The following ITIH3 variants were observed in gnomAD, a reference collection of about 807,000 sequenced individuals.
ITIH3 encodes the protein inter-alpha-trypsin inhibitor heavy chain 3.
A neutral mutation model predicts 96.5 loss-of-function variants in ITIH3; 81 were observed. That is an observed-to-expected ratio of 0.84 (90% CI 0.70 to 1.01). The LOEUF (loss-of-function observed/expected upper bound fraction) is 1.01. Ranked by LOEUF, ITIH3 falls within the 50% of genes least tolerant of loss-of-function variation. The pLI, the probability that ITIH3 is intolerant of heterozygous loss-of-function variation, is 0.00. For synonymous variants in ITIH3, 422 were observed against 445.2 expected, an observed-to-expected ratio of 0.95 and a Z score of 0.66; for missense variants, 1,057 against 1,139.3, an observed-to-expected ratio of 0.93 and a Z score of 1.04.
intron 15 of ITIH3, 53 bp downstream of exon 15, chr3:52,804,787 G>T: frequency 6.4e-7 from 1 of 1,566,118 alleles, no homozygotes; most frequent in Non-Finnish European, 8.7e-7. Flanking sequence ...AGACAAGAGA[G>T]AACTGAGGAG....
chr3:52,797,803 T>C lies in ITIH3; in HGVS notation c.550-14T>C, dbSNP rs746924022. 2 of 1,555,786 alleles carry C rather than the reference T, an allele frequency of 1.3e-6. No homozygotes were observed. The highest frequency in any genetic ancestry group is 2.3e-5 in the South Asian group (2 of 85,918). On this transcript the variant is annotated splice_polypyrimidine_tract_variant and intron_variant, in intron 5 of 21. Coordinates refer to ENST00000449956, the MANE Select transcript of ITIH3 (RefSeq NM_002217.4). The stretch of plus-strand genomic sequence containing the variant: ...AGGTCACTGAGTGACATTTCCTTAC[T>C]TTGGCCATTTCAGATCGAGGTAGAC...
At chr3:52,797,397 G>A in intron 5 of ITIH3, 130 bp downstream of exon 5, 1 of 1,009,926 alleles carries the variant, frequency 9.9e-7, no homozygotes, top group Non-Finnish European at 1.4e-6. Context: ...GGCTGGGAAG[G>A]CTGGAGGAAT....
rs532663698 is a variant in ITIH3, at chr3:52,796,828, C to T, written c.371C>T (p.Thr124Met). 6.5e-5 allele frequency: 105 copies of T among 1,608,396 alleles called. No individual in the cohort carries two copies. The South Asian group carries it at 8.8e-4, about 13-fold the overall frequency. ...QYEKAVSQGK[T>M]AGLVKASGRK... ...GAAAAGGCTGTGTCCCAGGGCAAGACGGCCGGCTTGGTCAAGTAAGTATGG... is the reference window on the plus strand; with the variant it reads ...GAAAAGGCTGTGTCCCAGGGCAAGATGGCCGGCTTGGTCAAGTAAGTATGG... The change falls in exon 4 of 22, where the codon ACG (threonine) becomes ATG (methionine). Residue 124 changes from threonine (T) to methionine (M), a missense_variant. Thr to Met is a moderately conservative substitution (Grantham distance 81). Transcript: ENST00000449956.
chr3:52,796,035 CA>C (rs1017659709), intron 2 of ITIH3: 1 of 232,344 alleles, frequency 4.3e-6, no homozygotes, highest in African/African-American at 2.3e-5. Context: ...CTTCCCTTGG[CA>C]CAGGAAATCA....
Position 52,807,065 on chromosome 3 carries a change from A to C in ITIH3, c.2221A>C (p.Thr741Pro). 6.3e-7 allele frequency: 1 copy of C among 1,598,588 alleles called. No individual in the cohort carries two copies. Among genetic ancestry groups the C allele is most frequent in the Non-Finnish European group, 8.5e-7 (1 of 1,172,818 alleles). The change falls in exon 19 of 22, where the codon ACT becomes CCT. Residue 741 changes from threonine (T) to proline (P), a missense_variant. Transcript: ENST00000449956. ...ITLWNRAVPS[T>P]FSWLDTVTVT... ...CCTGTGGAACAGGGCCGTGCCGAGC[A>C]CTTTCAGCTGGCTGGACACAGTCAC...
rs916597070 is a variant in ITIH3 at position 52,794,811 on chromosome 3, T to C, written c.8T>C (p.Phe3Ser). 1 of 1,613,886 alleles carries C rather than the reference T, an allele frequency of 6.2e-7. No homozygotes were observed. Among genetic ancestry groups the C allele is most frequent in the Non-Finnish European group, 8.5e-7 (1 of 1,179,774 alleles). Residue 3 changes from phenylalanine to serine, a missense_variant, in exon 1 of 22, where the codon TTT becomes TCT. Transcript: ENST00000449956. ...AGGCCTGAGTATTCAGCGATGGCATTTGCATGGTGGCCCTGTCTCATCTTG... is the reference window on the plus strand; with the variant it reads ...AGGCCTGAGTATTCAGCGATGGCATCTGCATGGTGGCCCTGTCTCATCTTG... MA[F>S]AWWPCLILAL...
chr3:52,800,491 G>A, intron 9 of ITIH3, 47 bp from the exon 10 acceptor site: 1 of 1,549,788 alleles, frequency 6.5e-7, no homozygotes, highest in South Asian at 1.2e-5. Context: ...TCTGCACACT[G>A]GCACCCTGAG....
At chr3:52,805,972 G>C (rs370878312) in intron 16 of ITIH3, 131 bp from the exon 17 acceptor site, 1 of 1,503,352 alleles carries the variant, frequency 6.7e-7, no homozygotes, top group South Asian at 1.2e-5. Context: ...GGAGATTGCG[G>C]GGTGGGAGGG....
intron 13 of ITIH3, among the ~76,000 whole-genome samples, chr3:52,803,301 TATTTA>T (rs1559472771): frequency 1.9e-4 from 26 of 139,622 alleles, no homozygotes; most frequent in African/African-American, 7.6e-4. Context: ...TTTATTTATT[TATTTA>T]TTTTATTTTA....
Position 52,808,202 on chromosome 3 carries a change from C to T in ITIH3, c.2524C>T (p.His842Tyr). The T allele has an allele frequency of 6.2e-7, 1 of 1,614,078 alleles. No homozygotes were observed. The highest frequency in any genetic ancestry group is 1.3e-5 in the African/African-American group (1 of 75,054). Residue 842 changes from histidine to tyrosine, a missense_variant, in exon 21 of 22, where the codon CAT becomes TAT. By Grantham distance (83) the His-to-Tyr change is moderately conservative. Coordinates refer to ENST00000449956, the MANE Select transcript of ITIH3 (RefSeq NM_002217.4). ...AGATGCCACATTGGTGGTGAAGAAC[C>T]ATCAGCTGATTGTCACCAGGTGAGG... is the stretch of plus-strand genomic sequence containing the variant. ...KPDATLVVKN[H>Y]QLIVTRGSQK...
chr3:52,795,884 C>T, intron 2 of ITIH3: 1 of 496,436 alleles, frequency 2.0e-6, no homozygotes, highest in Middle Eastern at 5.2e-4. Context: ...TTCCTTAGCA[C>T]TTGCTGGTAC....
Position 52,796,591 on chromosome 3 carries a change from G to A in ITIH3, c.225G>A (p.Lys75=), listed in dbSNP as rs1386533781. The change falls in exon 3 of 22, where the codon AAG becomes AAA. Residue 75 remains lysine, a synonymous_variant. Coordinates refer to ENST00000449956, the MANE Select transcript of ITIH3 (RefSeq NM_002217.4). ...CCGTCAACCGTGCAGACACGGCCAA[G>A]GAGGTTTCCTTTGATGTGGAGCTGC... is the stretch of plus-strand genomic sequence containing the variant. The part of the protein sequence containing the change: ...MRAVNRADTA[K]EVSFDVELPK... The A allele has an allele frequency of 6.2e-7, 1 of 1,613,420 alleles. No homozygotes were observed. The highest frequency in any genetic ancestry group is 1.7e-5 in the Admixed American group (1 of 59,924).
Position 52,802,408 on chromosome 3 carries a change from C to A in ITIH3, c.1458C>A (p.Asp486Glu). ...EMEYPENAIL[D>E]LTQNTYQHFY... ...AGTACCCCGAGAACGCTATCCTGGA[C>A]CTCACCCAGAACACTTACCAGCACT... The change falls in exon 12 of 22, where the codon GAC becomes GAA. Residue 486 changes from aspartate (D) to glutamate (E), a missense_variant. Coordinates refer to ENST00000449956, the MANE Select transcript of ITIH3 (RefSeq NM_002217.4). The A allele has an allele frequency of 6.2e-7, 1 of 1,613,932 alleles. No homozygotes were observed. The highest frequency in any genetic ancestry group is 8.5e-7 in the Non-Finnish European group (1 of 1,179,866).
At chr3:52,802,866 A>AC (rs1331009284) in intron 13 of ITIH3, 60 bp downstream of exon 13, 25 of 1,587,504 alleles carry the variant, frequency 1.6e-5, no homozygotes, top group Non-Finnish European at 2.1e-5. Flanking sequence ...ATGCAAGGGC[A>AC]CCCCCATACG....
chr3:52,805,621 G>T, intron 15 of ITIH3, 187 bp from the exon 16 acceptor site: 1 of 1,405,634 alleles, frequency 7.1e-7, no homozygotes, highest in Non-Finnish European at 9.3e-7. Flanking sequence ...ATTGCCACCA[G>T]CCCCATAAAG....
intron 9 of ITIH3, among the ~76,000 whole-genome samples, 181 bp downstream of exon 9, chr3:52,800,102 G>A (rs924088660): frequency 6.6e-6 from 1 of 152,144 alleles, no homozygotes; most frequent in Admixed American, 6.5e-5. Context: ...TCTTCTCCGT[G>A]GTCCAGGGAA....
At chr3:52,797,725 T>G in intron 5 of ITIH3, 92 bp from the exon 6 acceptor site, 1 of 776,378 alleles carries the variant, frequency 1.3e-6, no homozygotes, top group Non-Finnish European at 2.2e-6. Context: ...GGTCCCTGCA[T>G]CACCACAGAC....
chr3:52,795,930 G>A (rs1188118267), intron 2 of ITIH3: 3 of 403,376 alleles, frequency 7.4e-6, no homozygotes, highest in African/African-American at 2.0e-5. Flanking sequence ...ACACCCTCAC[G>A]AAGCATCTTT....
intron 15 of ITIH3, chr3:52,805,534 A>G (rs1316511531): frequency 3.9e-6 from 5 of 1,285,110 alleles, no homozygotes; most frequent in East Asian, 3.5e-5. Flanking sequence ...AGCATTACTC[A>G]AGAGAGAGAA....
Sources: allele counts gnomAD v4.1 joint callset (sites outside exome capture counted in the v4.1 genomes callset), GRCh38; gene constraint gnomAD v4.1.1; transcripts MANE v1.5; gene names NCBI Gene and HGNC (gene_info 2026-07-23, HGNC 2026-07-21).